The following IL15 variants were observed in gnomAD, a reference collection of about 807,000 sequenced individuals.
The protein encoded by IL15 is interleukin 15.
In IL15, 11 loss-of-function variants were observed where a neutral mutation model predicts 19.6. The ratio of observed to expected loss-of-function variants is 0.56; its 90% CI spans 0.35 to 0.93. The LOEUF (loss-of-function observed/expected upper bound fraction) is 0.93, where lower values mean the gene tolerates loss of function less well. Ranked by LOEUF, IL15 falls within the 40% of genes least tolerant of loss-of-function variation. The pLI is 0.01. For synonymous variants in IL15, 58 were observed against 59.6 expected (o/e 0.97, Z 0.12); for missense variants, 197 against 186.5 (o/e 1.06, Z -0.33).
At chr4:141,687,429 T>C (rs1198283675) in intron 2 of IL15, among the ~76,000 whole-genome samples, 1 of 152,200 alleles carries the variant, frequency 6.6e-6, no homozygotes, top group Non-Finnish European at 1.5e-5. Context: ...TGACAGCATC[T>C]GCTGCAAACT....
intron 2 of IL15, among the ~76,000 whole-genome samples, chr4:141,710,209 G>A (rs1387608106): frequency 6.6e-6 from 1 of 152,166 alleles, no homozygotes; most frequent in Non-Finnish European, 1.5e-5. Context: ...GGCCCCTGGG[G>A]CAGGATACCC....
chr4:141,663,036 A>G (rs2152162950), intron 2 of IL15, among the ~76,000 whole-genome samples: 1 of 152,292 alleles, frequency 6.6e-6, no homozygotes, highest in South Asian at 2.1e-4. Context: ...GTAATCATTA[A>G]AAAAGTAACT....
intron 2 of IL15, among the ~76,000 whole-genome samples, chr4:141,692,891 T>A (rs936683793): frequency 2.0e-5 from 3 of 151,798 alleles, no homozygotes; most frequent in African/African-American, 7.3e-5. Flanking sequence ...TTTCAAATTA[T>A]CTTTGTAGCA....
At chr4:141,661,598 T>C (rs1292879835) in intron 2 of IL15, among the ~76,000 whole-genome samples, 1 of 152,150 alleles carries the variant, frequency 6.6e-6, no homozygotes, top group Admixed American at 6.5e-5. Flanking sequence ...TCTCCTTGTA[T>C]GGAGATGCGG....
chr4:141,671,562 C>G (rs772300723), intron 2 of IL15, among the ~76,000 whole-genome samples: 2 of 152,090 alleles, frequency 1.3e-5, no homozygotes, highest in Non-Finnish European at 2.9e-5. Flanking sequence ...CATTCGATAT[C>G]TCCTCACTCA....
chr4:141,638,817 G>A (rs1157085927), intron 1 of IL15, among the ~76,000 whole-genome samples: 1 of 152,148 alleles, frequency 6.6e-6, no homozygotes, highest in Non-Finnish European at 1.5e-5. Context: ...TTTTTCTCAG[G>A]AAAATATCCG....
chr4:141,659,590 T>C (rs190455344), intron 2 of IL15, among the ~76,000 whole-genome samples: 2 of 152,220 alleles, frequency 1.3e-5, no homozygotes, highest in Non-Finnish European at 1.5e-5. Context: ...TGAGTGATAA[T>C]ATTTGAGACA....
intron 2 of IL15, among the ~76,000 whole-genome samples, chr4:141,656,681 C>A (rs1350082816): frequency 6.6e-6 from 1 of 152,040 alleles, no homozygotes; most frequent in East Asian, 1.9e-4. Flanking sequence ...TGAGGGTTGG[C>A]CTCTGGGTCA....
chr4:141,651,657 G>C (rs926517197), intron 1 of IL15, among the ~76,000 whole-genome samples: 1 of 152,044 alleles, frequency 6.6e-6, no homozygotes, highest in African/African-American at 2.4e-5. Context: ...TTTTATAACT[G>C]AATAGAGATA....
intron 2 of IL15, among the ~76,000 whole-genome samples, chr4:141,710,201 C>T (rs1729670160): frequency 6.6e-6 from 1 of 152,154 alleles, no homozygotes; most frequent in African/African-American, 2.4e-5. Context: ...CAGTTATTGG[C>T]CCCTGGGGCA....
intron 2 of IL15, among the ~76,000 whole-genome samples, chr4:141,702,404 C>G (rs953183645): frequency 2.6e-5 from 4 of 152,164 alleles, no homozygotes; most frequent in Non-Finnish European, 5.9e-5. Context: ...GTGATGTGAC[C>G]TTTTTTCAAG....
chr4:141,661,207 A>G (rs564419382), intron 2 of IL15, among the ~76,000 whole-genome samples: 2 of 152,350 alleles, frequency 1.3e-5, no homozygotes, highest in Admixed American at 1.3e-4. Flanking sequence ...AAATACTGCC[A>G]GGAAGAATGA....
intron 2 of IL15, among the ~76,000 whole-genome samples, chr4:141,662,874 C>T (rs1727839499): frequency 6.6e-6 from 1 of 151,938 alleles, no homozygotes; most frequent in African/African-American, 2.4e-5. Context: ...AGAATAAAAA[C>T]TTCAAATTGT....
At chr4:141,703,753 A>C (rs1729412424) in intron 2 of IL15, among the ~76,000 whole-genome samples, 1 of 151,810 alleles carries the variant, frequency 6.6e-6, no homozygotes, top group Non-Finnish European at 1.5e-5. Flanking sequence ...AAAAAAAAAA[A>C]AGGTGTATAG....
At chr4:141,652,776 G>C (rs920669005) in intron 1 of IL15, among the ~76,000 whole-genome samples, 1 of 152,136 alleles carries the variant, frequency 6.6e-6, no homozygotes, top group Non-Finnish European at 1.5e-5. Context: ...AAGATTAGCT[G>C]TTCCTAGATT....
rs527620499 is a variant in IL15, at chr4:141,641,689, C to T, written c.-222+4941C>T. The stretch of plus-strand genomic sequence containing the variant: ...GGGAACATCACACACCGGGGCCTGT[C>T]ATGGGGTGGGGGGAGGGGGGAGGGA... On this transcript the variant is annotated intron_variant, in intron 1 of 7. Coordinates refer to ENST00000320650, the MANE Select transcript of IL15 (RefSeq NM_000585.5). 3.4e-3 allele frequency among the ~76,000 whole-genome samples: 358 copies of T among 106,124 alleles called. 1 individual carries two copies. The Middle Eastern group carries it at 0.038, about 11-fold the overall frequency. The allele number at this position is 106,124 out of a possible 152,430, so 69.6% of individuals were successfully genotyped here.
Position 141,692,669 on chromosome 4 carries a change from A to G in IL15, c.-99-26697A>G, listed in dbSNP as rs979020096. ...AAAAATGCCACCAGTGTCTAAAGTG[A>G]CCTTTACTCCAGTTCCCAACAAGTT... On this transcript the variant is annotated intron_variant, in intron 2 of 7. Transcript: ENST00000320650. Among the ~76,000 whole-genome samples, 4 of 152,228 alleles carry G rather than the reference A, an allele frequency of 2.6e-5. No individual in the cohort carries two copies. In the South Asian group the frequency reaches 8.3e-4, roughly 32 times the overall value.
chr4:141,720,126 A>G (rs1429536982), intron 3 of IL15, among the ~76,000 whole-genome samples: 1 of 152,132 alleles, frequency 6.6e-6, no homozygotes, highest in Non-Finnish European at 1.5e-5. Flanking sequence ...GACCTATTAA[A>G]AAAGAAAGAA....
At chr4:141,652,797 A>AT (rs1727454455) in intron 1 of IL15, among the ~76,000 whole-genome samples, 1 of 152,154 alleles carries the variant, frequency 6.6e-6, no homozygotes. Flanking sequence ...TTTAAATTTA[A>AT]TTTTAAGTGT....
Sources: gnomAD v4.1 joint callset for allele counts (sites outside exome capture counted in the v4.1 genomes callset) on GRCh38, gnomAD v4.1.1 for gene constraint, MANE v1.5 for transcripts, NCBI Gene and HGNC (gene_info 2026-07-23, HGNC 2026-07-21) for gene names.